The following PTPN21 variants were observed in gnomAD, a reference collection of about 807,000 sequenced individuals.
PTPN21 encodes the protein protein tyrosine phosphatase non-receptor type 21, also known as tyrosine-protein phosphatase non-receptor type 21.
A neutral mutation model predicts 131.8 loss-of-function variants in PTPN21; 77 were observed. The ratio of observed to expected loss-of-function variants is 0.58; its 90% CI spans 0.49 to 0.71. The LOEUF is 0.71. PTPN21 is among the 30% of genes least tolerant of loss of function. The pLI is 0.00. For missense variants in PTPN21, 1,552 were observed against 1,527.1 expected (o/e 1.02, Z -0.27); for synonymous variants, 715 against 621.3 (o/e 1.15, Z -2.24).
chr14:88,488,963 C>A (rs962342702), intron 10 of PTPN21, among the ~76,000 whole-genome samples: 11 of 152,224 alleles, frequency 7.2e-5, no homozygotes, highest in Non-Finnish European at 1.2e-4. Flanking sequence ...AGTTATTATC[C>A]TGATTTTACA....
At chr14:88,485,940 G>T (rs894078073) in intron 10 of PTPN21, 98 bp from the exon 11 acceptor site, 1 of 745,784 alleles carries the variant, frequency 1.3e-6, no homozygotes, top group South Asian at 2.1e-5. Flanking sequence ...ATCTTCTCAG[G>T]CAAAAAAAAA....
intron 3 of PTPN21, chr14:88,513,758 A>C (rs976688984): frequency 2.0e-5 from 3 of 152,228 alleles, no homozygotes; most frequent in African/African-American, 4.8e-5. Flanking sequence ...AGCCCATGCT[A>C]AGATATATTT....
intron 14 of PTPN21, among the ~76,000 whole-genome samples, chr14:88,473,156 T>TA (rs1352780023): frequency 6.6e-6 from 1 of 152,076 alleles, no homozygotes; most frequent in Non-Finnish European, 1.5e-5. Flanking sequence ...TATAAAAGAC[T>TA]AAAGCAGTAG....
chr14:88,505,696 A>G (rs2078077346), intron 4 of PTPN21, among the ~76,000 whole-genome samples: 1 of 152,184 alleles, frequency 6.6e-6, no homozygotes, highest in South Asian at 2.1e-4. Context: ...GGAAAATGTC[A>G]AGGAGAAACC....
chr14:88,478,034 C>G (rs1186251060), intron 13 of PTPN21, among the ~76,000 whole-genome samples: 1 of 152,164 alleles, frequency 6.6e-6, no homozygotes, highest in Non-Finnish European at 1.5e-5. Flanking sequence ...AGTTCAGTCA[C>G]TCACTAGTCA....
At chr14:88,515,991 C>T (rs554593715) in intron 3 of PTPN21, among the ~76,000 whole-genome samples, 1 of 152,216 alleles carries the variant, frequency 6.6e-6, no homozygotes, top group South Asian at 2.1e-4. Flanking sequence ...TTTGACTTTC[C>T]ATTCTCTCCT....
At chr14:88,476,577 A>G (rs969778481) in intron 13 of PTPN21, among the ~76,000 whole-genome samples, 1 of 152,228 alleles carries the variant, frequency 6.6e-6, no homozygotes, top group Non-Finnish European at 1.5e-5. Context: ...CATGTGGGAC[A>G]TAATGCCACG....
intron 10 of PTPN21, among the ~76,000 whole-genome samples, chr14:88,495,008 G>T (rs1295568966): frequency 1.4e-5 from 1 of 73,806 alleles, no homozygotes; most frequent in Admixed American, 2.6e-4. Flanking sequence ...GCGAGACTCT[G>T]TCTCCAAAAA....
chr14:88,539,865 T>A (rs549350346), intron 2 of PTPN21, among the ~76,000 whole-genome samples: 1 of 152,344 alleles, frequency 6.6e-6, no homozygotes, highest in Non-Finnish European at 1.5e-5. Context: ...TACTGTATGG[T>A]TTAAGTGTTA....
intron 2 of PTPN21, among the ~76,000 whole-genome samples, chr14:88,549,341 T>C (rs1225037334): frequency 6.6e-6 from 1 of 152,156 alleles, no homozygotes; most frequent in Non-Finnish European, 1.5e-5. Context: ...TATTAGAAAA[T>C]GGAAATTTGA....
intron 2 of PTPN21, among the ~76,000 whole-genome samples, chr14:88,539,250 AT>A (rs57117892): frequency 0.015 from 1,757 of 120,148 alleles, 12 homozygotes; most frequent in Non-Finnish European, 0.019. Flanking sequence ...CGCCCGGTTA[AT>A]TTTTTTTTTT....
At position 88,469,034 on chromosome 14, in the gene PTPN21, C is replaced by CTATT. The variant is rs1566803965; in HGVS notation, c.3274_3277dup (p.Ser1093LysfsTer2). ...GTTGGGGCTTTGGGGATCACTTGTG[C>CTATT]TATTTGTATGGCGTCGAACAGACTG... On this transcript the variant is annotated stop_gained and frameshift_variant, in exon 18 of 19. Coordinates refer to ENST00000556564, the MANE Select transcript of PTPN21 (RefSeq NM_007039.4). LOFTEE classifies it high-confidence loss of function. This position sits in a 1 kb window ranked among gnomAD's most constrained non-coding sequence, Gnocchi z 4.3. 2 of 1,614,156 alleles carry CTATT rather than the reference C, an allele frequency of 1.2e-6. No individual in the cohort carries two copies. Among genetic ancestry groups the CTATT allele is most frequent in the South Asian group, 2.2e-5 (2 of 91,076 alleles).
chr14:88,484,211 CTAT>C (rs747437776), intron 12 of PTPN21, among the ~76,000 whole-genome samples: 33,810 of 143,708 alleles, frequency 0.24, 3,976 homozygotes, highest in East Asian at 0.3. Context: ...CTACGCCCAG[CTAT>C]TTTTTTTTTT....
At chr14:88,547,753 A>G in intron 2 of PTPN21, 1 of 439,842 alleles carries the variant, frequency 2.3e-6, no homozygotes, top group Non-Finnish European at 4.6e-6. Context: ...TTTCCTTCCA[A>G]CACTTTCCCC....
At chr14:88,503,578 A>G (rs1307401060) in intron 6 of PTPN21, among the ~76,000 whole-genome samples, 1 of 152,206 alleles carries the variant, frequency 6.6e-6, no homozygotes, top group Non-Finnish European at 1.5e-5. Context: ...AGTATTCAAC[A>G]AATTATATGA....
intron 1 of PTPN21, among the ~76,000 whole-genome samples, chr14:88,553,512 G>A (rs1028696201): frequency 6.6e-6 from 1 of 150,760 alleles, no homozygotes; most frequent in African/African-American, 2.5e-5. Context: ...TCTGTTTCAG[G>A]TATAAAATAA....
chr14:88,518,255 A>AATAT (rs1555388146), intron 2 of PTPN21, among the ~76,000 whole-genome samples: 2,542 of 18,600 alleles, frequency 0.14, 232 homozygotes, highest in Middle Eastern at 0.2. Context: ...AAAAAAAAAA[A>AATAT]ATATATATAT....
In PTPN21 at chr14:88,512,336, T is replaced by C. The variant is rs1262383623; in HGVS notation, c.351-4316A>G. On this transcript the variant is annotated intron_variant, in intron 3 of 18. Transcript: ENST00000556564. ...ATACCTGATTCATATGCAATTTTCA[T>C]GATTGCCTCAAAAATGCATTTTTAC... 2.6e-5 allele frequency: 4 copies of C among 152,330 alleles called. No individual in the cohort carries two copies. The East Asian group carries it at 7.7e-4, about 29-fold the overall frequency. The allele number at this position is 152,330 out of a possible 1,614,324, so 9.4% of individuals were successfully genotyped here. A position where few individuals can be genotyped will look rare whatever the true frequency, so the allele number is the denominator to read the frequency against.
At chr14:88,470,098 A>G (rs377274479) in intron 15 of PTPN21, 48 bp from the exon 16 acceptor site, 127 of 1,574,234 alleles carry the variant, frequency 8.1e-5, no homozygotes, top group Middle Eastern at 3.4e-4. Flanking sequence ...TATAATATAC[A>G]TAGGTATGTA....
Sources: allele counts gnomAD v4.1 joint callset (sites outside exome capture counted in the v4.1 genomes callset), GRCh38; gene constraint gnomAD v4.1.1; non-coding constraint Gnocchi (gnomAD v3.1); transcripts MANE v1.5; gene names NCBI Gene and HGNC (gene_info 2026-07-23, HGNC 2026-07-21).